EYS: variants seen among roughly 807,000 people sequenced by gnomAD.
EYS encodes the protein protein eyes shut homolog.
EYS carries 250 observed loss-of-function variants against 282.1 expected under a neutral mutation model. That is an observed-to-expected ratio of 0.89 (90% confidence interval 0.80 to 0.98). EYS has a LOEUF of 0.98. Ranked by LOEUF, EYS falls within the 50% of genes least tolerant of loss-of-function variation. The pLI is 0.00. For synonymous variants in EYS, 1,355 were observed against 1,282.9 expected, an observed-to-expected ratio of 1.06 and a Z score of -1.20; for missense variants, 4,016 against 3,709.0, an observed-to-expected ratio of 1.08 and a Z score of -2.15.
chr6:65,427,131 C>G (rs114065787), intron 5 of EYS, among the ~76,000 whole-genome samples: 3 of 151,994 alleles, frequency 2.0e-5, no homozygotes, highest in Admixed American at 2.0e-4. Context: ...TGTAGGGTAA[C>G]CCTTACTCTA....
At chr6:64,414,535 A>G (rs534258044) in intron 28 of EYS, among the ~76,000 whole-genome samples, 10 of 152,332 alleles carry the variant, frequency 6.6e-5, no homozygotes, top group African/African-American at 1.7e-4. Context: ...ATAGAAGAAT[A>G]GCAAAGTGAA....
At chr6:64,823,077 G>A (rs967368270) in intron 19 of EYS, among the ~76,000 whole-genome samples, 3 of 151,934 alleles carry the variant, frequency 2.0e-5, no homozygotes, top group African/African-American at 7.2e-5. Flanking sequence ...TTAGTGTGAT[G>A]TTTGTTGAGA....
intron 11 of EYS, among the ~76,000 whole-genome samples, chr6:65,320,710 G>A (rs370946664): frequency 1.3e-5 from 2 of 152,206 alleles, no homozygotes; most frequent in East Asian, 1.9e-4. Context: ...CTAGGGCTCA[G>A]CCCCTTCAGG....
At chr6:64,068,068 C>CT (rs1203104783) in intron 32 of EYS, among the ~76,000 whole-genome samples, 1 of 152,070 alleles carries the variant, frequency 6.6e-6, no homozygotes, top group Non-Finnish European at 1.5e-5. Context: ...TAGCTATTGC[C>CT]AGTTTTCCAA....
At chr6:64,677,324 G>GT (rs1469348475) in intron 22 of EYS, among the ~76,000 whole-genome samples, 2 of 151,826 alleles carry the variant, frequency 1.3e-5, no homozygotes, top group African/African-American at 2.4e-5. Context: ...AGCTCTACTG[G>GT]TTTTTTAAAA....
chr6:65,046,255 A>G (rs967077621), intron 13 of EYS, among the ~76,000 whole-genome samples: 6 of 151,912 alleles, frequency 3.9e-5, no homozygotes, highest in African/African-American at 1.4e-4. Flanking sequence ...CTGGACTTCA[A>G]TAGTGCCTAA....
intron 2 of EYS, among the ~76,000 whole-genome samples, chr6:65,614,279 A>T (rs1766106324): frequency 6.6e-6 from 1 of 151,952 alleles, no homozygotes; most frequent in Non-Finnish European, 1.5e-5. Flanking sequence ...CTCTTGCTAC[A>T]CTGTACTTCA....
chr6:63,914,955 A>G (rs553181275), intron 35 of EYS, among the ~76,000 whole-genome samples: 1 of 152,342 alleles, frequency 6.6e-6, no homozygotes, highest in East Asian at 1.9e-4. Context: ...CTATAACGTT[A>G]AAGTGTAAGG....
chr6:64,297,926 C>G (rs1394035883), intron 30 of EYS, among the ~76,000 whole-genome samples: 1 of 143,390 alleles, frequency 7.0e-6, no homozygotes, highest in East Asian at 2.1e-4. Context: ...TGCAGTGAGC[C>G]AAGATAGTGC....
At chr6:65,372,810 AT>A (rs1181767433) in intron 8 of EYS, among the ~76,000 whole-genome samples, 1 of 152,092 alleles carries the variant, frequency 6.6e-6, no homozygotes, top group African/African-American at 2.4e-5. Flanking sequence ...AATTTAACTC[AT>A]AATGAAGAGC....
chr6:64,799,997 T>C (rs1774488363), intron 22 of EYS, among the ~76,000 whole-genome samples: 1 of 151,962 alleles, frequency 6.6e-6, no homozygotes, highest in South Asian at 2.1e-4. Flanking sequence ...AAACTCACAA[T>C]ATAATCCTTT....
intron 22 of EYS, among the ~76,000 whole-genome samples, chr6:64,744,152 A>G: frequency 6.6e-6 from 1 of 152,304 alleles, no homozygotes; most frequent in East Asian, 1.9e-4. Flanking sequence ...TTTGCCATTC[A>G]ATGAGCTTTA....
intron 40 of EYS, among the ~76,000 whole-genome samples, chr6:63,765,856 T>C (rs774165369): frequency 3.1e-4 from 47 of 152,070 alleles, no homozygotes; most frequent in Non-Finnish European, 5.4e-4. Context: ...TGAGTTCAAC[T>C]GTTTTGATTT....
At chr6:65,208,601 C>T (rs1766095093) in intron 12 of EYS, among the ~76,000 whole-genome samples, 1 of 151,800 alleles carries the variant, frequency 6.6e-6, no homozygotes, top group Admixed American at 6.6e-5. Context: ...TATATCTAAA[C>T]CATGAATACT....
At chr6:64,050,332 A>C (rs1479942962) in intron 33 of EYS, among the ~76,000 whole-genome samples, 2 of 152,094 alleles carry the variant, frequency 1.3e-5, no homozygotes, top group African/African-American at 2.4e-5. Flanking sequence ...TTTCAAAATG[A>C]CTAACTATAT....
In EYS at chr6:64,203,543, A is replaced by T. The variant is rs189265920; in HGVS notation, c.6424+27049T>A. ...GACTAATTGGAAGGCAATGTAGCTCATGCATGCATGGCTTCTATGGGATTA... is the reference window on the plus strand; with the variant it reads ...GACTAATTGGAAGGCAATGTAGCTCTTGCATGCATGGCTTCTATGGGATTA... On this transcript the variant is annotated intron_variant, in intron 31 of 42. Transcript: ENST00000503581. Among the ~76,000 whole-genome samples, 337 of 152,272 alleles carry T rather than the reference A, an allele frequency of 2.2e-3. 1 individual carries two copies. Among genetic ancestry groups the T allele is most frequent in the African/African-American group, 7.3e-3 (305 of 41,552 alleles).
chr6:64,657,450 T>G (rs1385297759), intron 22 of EYS, among the ~76,000 whole-genome samples: 1 of 152,282 alleles, frequency 6.6e-6, no homozygotes, highest in African/African-American at 2.4e-5. Context: ...TTCCTAGCAT[T>G]GATGGTCTTT....
intron 14 of EYS, among the ~76,000 whole-genome samples, chr6:64,956,139 T>C (rs1172969133): frequency 6.6e-6 from 1 of 152,076 alleles, no homozygotes; most frequent in Non-Finnish European, 1.5e-5. Context: ...TAGCCAAAGC[T>C]ATCCTAAGCA....
At chr6:64,018,758 TG>T (rs1769018002) in intron 33 of EYS, among the ~76,000 whole-genome samples, 3 of 127,974 alleles carry the variant, frequency 2.3e-5, no homozygotes, top group Non-Finnish European at 4.8e-5. Context: ...TCATCACAAG[TG>T]TTTTTTTTTT....
Sources: gnomAD v4.1 joint callset for allele counts (sites outside exome capture counted in the v4.1 genomes callset) on GRCh38, gnomAD v4.1.1 for gene constraint, MANE v1.5 for transcripts, NCBI Gene and HGNC (gene_info 2026-07-23, HGNC 2026-07-21) for gene names.